The following CGRRF1 variants were observed in gnomAD, a reference collection of about 807,000 sequenced individuals.
CGRRF1 encodes the protein cell growth regulator with ring finger domain 1.
CGRRF1 carries 32 observed loss-of-function variants against 37.2 expected under a neutral mutation model. The ratio of observed to expected loss-of-function variants is 0.86; its 90% CI spans 0.65 to 1.16. The LOEUF is 1.16. Ranked by LOEUF, CGRRF1 falls within the 50% of genes most tolerant of loss-of-function variation. The probability of loss-of-function intolerance (pLI) is 0.00; values close to 1 mark genes in which losing one functional copy is unlikely to be tolerated. For synonymous variants in CGRRF1, 141 were observed against 140.3 expected, an observed-to-expected ratio of 1.00 and a Z score of -0.04; for missense variants, 391 against 382.6, an observed-to-expected ratio of 1.02 and a Z score of -0.18.
At chr14:54,533,564 A>C (rs1006105962) in intron 4 of CGRRF1, among the ~76,000 whole-genome samples, 4 of 152,008 alleles carry the variant, frequency 2.6e-5, no homozygotes, top group Non-Finnish European at 5.9e-5. Flanking sequence ...CAAATGGACC[A>C]TTTCCTATTT....
chr14:54,527,114 A>G (rs778731578), intron 2 of CGRRF1, among the ~76,000 whole-genome samples: 5 of 152,178 alleles, frequency 3.3e-5, no homozygotes, highest in Non-Finnish European at 7.3e-5. Context: ...GAATTTTCTT[A>G]CAGCTACGTC....
intron 4 of CGRRF1, among the ~76,000 whole-genome samples, chr14:54,531,951 C>T (rs371638070): frequency 6.6e-6 from 1 of 152,154 alleles, no homozygotes; most frequent in African/African-American, 2.4e-5. Context: ...TTGTGATATT[C>T]GTAATATGCA....
chr14:54,536,050 C>T (rs574570112), intron 4 of CGRRF1: 175 of 152,258 alleles, frequency 1.1e-3, no homozygotes, highest in African/African-American at 4.0e-3. Flanking sequence ...TGTTTTCTTC[C>T]GTATCCCTTC....
intron 4 of CGRRF1, among the ~76,000 whole-genome samples, chr14:54,533,887 C>A (rs988810192): frequency 6.6e-6 from 1 of 151,782 alleles, no homozygotes; most frequent in Non-Finnish European, 1.5e-5. Flanking sequence ...GTATAATAAT[C>A]TGTATTCTAT....
At chr14:54,510,114 G>T (rs1192197155) in intron 1 of CGRRF1, 51 bp downstream of exon 1, 15 of 1,403,660 alleles carry the variant, frequency 1.1e-5, no homozygotes, top group Non-Finnish European at 1.5e-5. Context: ...CCAGAGTGGG[G>T]TCGCGACGAG....
In CGRRF1 at chr14:54,521,762, C is replaced by A. The variant is rs375128205; in HGVS notation, c.105-692C>A. ...CCTCAAGTGATCCTCCCACCTTGGC[C>A]TCCCAAAGTGCTGGGATTACAGGCA... On this transcript the variant is annotated intron_variant, in intron 1 of 5. Transcript: ENST00000216420. Among the ~76,000 whole-genome samples, 10 of 152,196 alleles carry A rather than the reference C, an allele frequency of 6.6e-5. No individual in the cohort carries two copies. The South Asian group carries it at 2.1e-3, about 32-fold the overall frequency.
chr14:54,522,795 C>G (rs1301665265), intron 2 of CGRRF1, among the ~76,000 whole-genome samples: 1 of 152,096 alleles, frequency 6.6e-6, no homozygotes, highest in African/African-American at 2.4e-5. Context: ...AATTTATCAC[C>G]TAGTAAACAG....
At chr14:54,531,320 T>C (rs1253181321) in intron 4 of CGRRF1, among the ~76,000 whole-genome samples, 2 of 152,116 alleles carry the variant, frequency 1.3e-5, no homozygotes, top group Admixed American at 6.5e-5. Flanking sequence ...TTAACACCTA[T>C]TTGGTTGTAT....
intron 3 of CGRRF1, chr14:54,530,637 A>G (rs2032497225): frequency 2.4e-6 from 2 of 849,600 alleles, no homozygotes; most frequent in East Asian, 2.6e-5. Flanking sequence ...CTTCTTACGG[A>G]TAAAGTGTTG....
chr14:54,512,231 T>G (rs2032141160), intron 1 of CGRRF1, among the ~76,000 whole-genome samples: 1 of 152,234 alleles, frequency 6.6e-6, no homozygotes, highest in South Asian at 2.1e-4. Flanking sequence ...TTTCACTATT[T>G]GCTTCTTTCC....
rs2032102627 is a variant in CGRRF1, at chr14:54,510,017, G to A, written c.58G>A (p.Val20Met). ...YEYSPLFYIA[V>M]VFTCFIVTTG... ...ATACTCGCCGCTTTTCTACATCGCG[G>A]TGGTCTTTACCTGCTTCATCGTGAC... Residue 20 changes from valine (V) to methionine (M), a missense_variant, in exon 1 of 6, where the codon GTG becomes ATG. Val to Met is a conservative substitution (Grantham distance 21, BLOSUM62 1). Transcript: ENST00000216420. The A allele has an allele frequency of 6.2e-7, 1 of 1,613,976 alleles. No homozygotes were observed. The highest frequency in any genetic ancestry group is 1.7e-5 in the Admixed American group (1 of 60,028).
At chr14:54,526,028 T>A (rs745418125) in intron 2 of CGRRF1, among the ~76,000 whole-genome samples, 18 of 151,942 alleles carry the variant, frequency 1.2e-4, no homozygotes, top group Non-Finnish European at 2.5e-4. Context: ...GTCTGGGAGG[T>A]TGAGGCTGCA....
intron 1 of CGRRF1, among the ~76,000 whole-genome samples, chr14:54,511,951 G>A (rs1210898933): frequency 1.3e-5 from 2 of 152,120 alleles, no homozygotes; most frequent in East Asian, 1.9e-4. Flanking sequence ...TTTTGCCCAC[G>A]TAGATAAACT....
In CGRRF1 at chr14:54,510,193, C is replaced by G. The variant is rs2032106823; in HGVS notation, c.104+130C>G. 9 of 665,058 alleles carry G rather than the reference C, an allele frequency of 1.4e-5. No individual in the cohort carries two copies. The South Asian group carries it at 1.4e-4, about 10-fold the overall frequency. 41.2% of individuals were successfully genotyped at this position (665,058 alleles called of 1,614,324 possible). ...TCGGGGATTCGGTGTCCCCGGGTGC[C>G]TAGAACTCCGACTTTCTCTGGGAGG... On this transcript the variant is annotated intron_variant, in intron 1 of 5. Transcript: ENST00000216420.
chr14:54,531,146 T>C, intron 4 of CGRRF1, 96 bp downstream of exon 4: 13 of 1,045,906 alleles, frequency 1.2e-5, no homozygotes, highest in Non-Finnish European at 1.8e-5. Context: ...TTTTAATTTC[T>C]GAGGATGTGC....
intron 1 of CGRRF1, among the ~76,000 whole-genome samples, chr14:54,515,594 A>G (rs61987164): frequency 0.051 from 7,753 of 152,190 alleles, 397 homozygotes; most frequent in East Asian, 0.28. Flanking sequence ...TTGAAGTTCT[A>G]TTAATAGGTA....
chr14:54,524,115 A>G (rs2032367974), intron 2 of CGRRF1, among the ~76,000 whole-genome samples: 2 of 152,098 alleles, frequency 1.3e-5, no homozygotes, highest in Admixed American at 6.6e-5. Context: ...TGAGGTCACT[A>G]ATTACGACTT....
At chr14:54,521,460 TC>T (rs1875982031) in intron 1 of CGRRF1, among the ~76,000 whole-genome samples, 1 of 148,182 alleles carries the variant, frequency 6.7e-6, no homozygotes, top group African/African-American at 2.5e-5. Flanking sequence ...AAACTCCATC[TC>T]AAAAAAAAAA....
In CGRRF1 at chr14:54,530,947, G is replaced by A; in HGVS notation, c.467G>A (p.Arg156Lys). ...SKEEIYCQLP[R>K]DTKIEDFGTV... ...GAAGAAATATATTGCCAGTTACCAA[G>A]AGATACTAAAATTGAAGACTTTGGT... Residue 156 changes from arginine (R) to lysine (K), a missense_variant, in exon 4 of 6, where the codon AGA (arginine) becomes AAA (lysine). Coordinates refer to ENST00000216420, the MANE Select transcript of CGRRF1 (RefSeq NM_006568.3). 1.3e-6 allele frequency: 2 copies of A among 1,598,392 alleles called. No homozygotes were observed. The highest frequency in any genetic ancestry group is 2.2e-5 in the East Asian group (1 of 44,768).
Sources: allele counts gnomAD v4.1 joint callset (sites outside exome capture counted in the v4.1 genomes callset), GRCh38; gene constraint gnomAD v4.1.1; transcripts MANE v1.5; gene names NCBI Gene and HGNC (gene_info 2026-07-23, HGNC 2026-07-21).